DUSP13B: variants seen among roughly 807,000 people sequenced by gnomAD.
The protein encoded by DUSP13B is dual specificity protein phosphatase 13B.
At chr10:75,095,010 A>G in the DUSP13B span, 2 of 824,570 alleles carry the variant, frequency 2.4e-6, no homozygotes, top group Non-Finnish European at 1.9e-6. Context: ...CAAATGGGGC[A>G]ACTGAAGCCC....
chr10:75,100,563 CCAGCT>C, the DUSP13B span, among the ~76,000 whole-genome samples: 3 of 152,206 alleles, frequency 2.0e-5, no homozygotes, highest in African/African-American at 7.2e-5. Flanking sequence ...CTCCTTGTCC[CCAGCT>C]GGGTGAAGCA....
the DUSP13B span, chr10:75,105,852 G>A: frequency 6.5e-7 from 1 of 1,550,306 alleles, no homozygotes; most frequent in Non-Finnish European, 8.7e-7. Context: ...CCACCACACA[G>A]TGCACCAGGA....
At chr10:75,101,725 C>T in the DUSP13B span, 18 of 452,348 alleles carry the variant, frequency 4.0e-5, no homozygotes, top group South Asian at 1.3e-4. Context: ...ACCTTGTCTG[C>T]GCCTTCATCT....
the DUSP13B span, chr10:75,105,895 CCT>C: frequency 6.5e-7 from 1 of 1,540,788 alleles, no homozygotes; most frequent in Non-Finnish European, 8.8e-7. Context: ...GGTGAAAAAC[CCT>C]GTCCCACACA....
the DUSP13B span, among the ~76,000 whole-genome samples, chr10:75,107,839 A>T: frequency 1.3e-5 from 2 of 152,152 alleles, no homozygotes; most frequent in Admixed American, 1.3e-4. Context: ...GGCCTCCCAA[A>T]GTGCTAGGAT....
the DUSP13B span, chr10:75,104,087 A>T: frequency 7.4e-7 from 1 of 1,353,092 alleles, no homozygotes; most frequent in Non-Finnish European, 9.8e-7. Flanking sequence ...GGCAGGGAGT[A>T]AGGACCAGCT....
At chr10:75,100,971 G>C in the DUSP13B span, among the ~76,000 whole-genome samples, 1 of 152,232 alleles carries the variant, frequency 6.6e-6, no homozygotes, top group Non-Finnish European at 1.5e-5. Flanking sequence ...GTTTCAGATA[G>C]TCCCCTGGAC....
chr10:75,105,801 C>A, the DUSP13B span: 1 of 1,551,026 alleles, frequency 6.4e-7, no homozygotes, highest in Admixed American at 2.0e-5. Flanking sequence ...GCTGGTGCAG[C>A]ATGAGGTAGG....
chr10:75,100,423 C>G, the DUSP13B span, among the ~76,000 whole-genome samples: 18 of 152,288 alleles, frequency 1.2e-4, no homozygotes, highest in East Asian at 9.7e-4. Flanking sequence ...CCGGCCACCC[C>G]CCCAGGGACT....
chr10:75,108,222 G>A, the DUSP13B span: 1 of 1,584,690 alleles, frequency 6.3e-7, no homozygotes, highest in Non-Finnish European at 8.6e-7. Flanking sequence ...GGGGAGGGCA[G>A]GAAGGGCACT....
the DUSP13B span, chr10:75,097,656 C>G: frequency 6.9e-7 from 1 of 1,451,624 alleles, no homozygotes; most frequent in Non-Finnish European, 9.2e-7. Context: ...GCCCCCATTC[C>G]CGTGTGAACC....
chr10:75,106,517 A>C, the DUSP13B span, among the ~76,000 whole-genome samples: 1 of 152,082 alleles, frequency 6.6e-6, no homozygotes, highest in Non-Finnish European at 1.5e-5. Context: ...TGCTTGAATC[A>C]CAAAGCAGCT....
chr10:75,100,890 A>C, the DUSP13B span, among the ~76,000 whole-genome samples: 1 of 152,354 alleles, frequency 6.6e-6, no homozygotes, highest in South Asian at 2.1e-4. Context: ...CTGTGTGCCC[A>C]AGACATCGGG....
the DUSP13B span, among the ~76,000 whole-genome samples, chr10:75,105,028 G>A: frequency 1.1e-4 from 17 of 152,304 alleles, no homozygotes; most frequent in East Asian, 2.1e-3. Flanking sequence ...GGGGTGGTAG[G>A]GACAGCCAAA....
the DUSP13B span, among the ~76,000 whole-genome samples, chr10:75,106,113 T>G: frequency 6.6e-6 from 1 of 150,574 alleles, no homozygotes; most frequent in Non-Finnish European, 1.5e-5. Context: ...TTTTTTTTTT[T>G]TTTTTTTTAG....
chr10:75,099,979 G>A, the DUSP13B span, among the ~76,000 whole-genome samples: 179 of 152,252 alleles, frequency 1.2e-3, no homozygotes, highest in African/African-American at 4.2e-3. Context: ...GAAGCCCCCA[G>A]GACCCAGAGG....
the DUSP13B span, chr10:75,105,930 T>G: frequency 1.3e-6 from 2 of 1,490,768 alleles, no homozygotes; most frequent in Admixed American, 4.0e-5. Context: ...CGGGCTGGGA[T>G]GGGGACCCAA....
chr10:75,099,443 G>T, the DUSP13B span: 1 of 1,232,630 alleles, frequency 8.1e-7, no homozygotes, highest in Non-Finnish European at 1.0e-6. Context: ...GGCATGGCCT[G>T]GGGCCGGGAA....
chr10:75,102,528 C>A, the DUSP13B span, among the ~76,000 whole-genome samples: 1,077 of 152,350 alleles, frequency 7.1e-3, 16 homozygotes, highest in African/African-American at 0.025. Flanking sequence ...GGTCCCTTGG[C>A]CGGATGCAGT....
Sources: gnomAD v4.1 joint callset for allele counts (sites outside exome capture counted in the v4.1 genomes callset) on GRCh38, gnomAD v4.1.1 for gene constraint, MANE v1.5 for transcripts, NCBI Gene and HGNC (gene_info 2026-07-23, HGNC 2026-07-21) for gene names.